Variants in SLCO1A2 observed in about 807,000 individuals in gnomAD.
SLCO1A2 encodes the protein solute carrier organic anion transporter family member 1A2.
Under a neutral mutation model 69.0 loss-of-function variants are expected in SLCO1A2, and 67 were observed. That is an observed-to-expected ratio of 0.97 (90% CI 0.80 to 1.19). The LOEUF is 1.19. Ranked by LOEUF, SLCO1A2 falls within the 50% of genes most tolerant of loss-of-function variation. The pLI is 0.00. For synonymous variants in SLCO1A2, 260 were observed against 265.9 expected (o/e 0.98, Z 0.22); for missense variants, 787 against 793.7 (o/e 0.99, Z 0.10).
At chr12:21,289,218 G>GTC (rs1946449550) in intron 12 of SLCO1A2, among the ~76,000 whole-genome samples, 1 of 150,998 alleles carries the variant, frequency 6.6e-6, no homozygotes, top group Non-Finnish European at 1.5e-5. Flanking sequence ...GTGTGTGTGT[G>GTC]TGTGTGTATG....
chr12:21,324,924 A>T (rs1280940139), intron 2 of SLCO1A2, among the ~76,000 whole-genome samples: 1 of 152,174 alleles, frequency 6.6e-6, no homozygotes, highest in Non-Finnish European at 1.5e-5. Flanking sequence ...CTATGCAAAC[A>T]ATTTTTACTT....
At chr12:21,313,982 T>TAAAAAAAAAA (rs71043263) in intron 4 of SLCO1A2, among the ~76,000 whole-genome samples, 1 of 136,418 alleles carries the variant, frequency 7.3e-6, no homozygotes. Context: ...TAATAAATAA[T>TAAAAAAAAAA]AAAAAAAAAA....
chr12:21,283,633 C>G (rs1300694804), intron 12 of SLCO1A2, among the ~76,000 whole-genome samples: 1 of 152,056 alleles, frequency 6.6e-6, no homozygotes, highest in Non-Finnish European at 1.5e-5. Context: ...GAAGAGACAA[C>G]TCACAGAATG....
chr12:21,366,523 A>G (rs1303288722), intron 2 of SLCO1A2, among the ~76,000 whole-genome samples: 1 of 152,174 alleles, frequency 6.6e-6, no homozygotes, highest in Non-Finnish European at 1.5e-5. Context: ...GTGCACATGT[A>G]CCCTAGAACC....
chr12:21,276,415 C>T (rs1943840019), intron 12 of SLCO1A2, among the ~76,000 whole-genome samples: 1 of 151,372 alleles, frequency 6.6e-6, no homozygotes, highest in South Asian at 2.1e-4. Context: ...CACACACACA[C>T]ACACACACAG....
chr12:21,305,375 G>C (rs959313398), intron 5 of SLCO1A2, among the ~76,000 whole-genome samples: 1 of 152,226 alleles, frequency 6.6e-6, no homozygotes, highest in African/African-American at 2.4e-5. Flanking sequence ...GAAGGACAAT[G>C]CACTCTCACC....
intron 14 of SLCO1A2, among the ~76,000 whole-genome samples, chr12:21,272,961 G>A (rs1192697581): frequency 6.6e-6 from 1 of 152,124 alleles, no homozygotes; most frequent in Non-Finnish European, 1.5e-5. Context: ...TAAGCTAACA[G>A]GCTAGCCTGC....
chr12:21,365,945 T>G (rs1939341704), intron 2 of SLCO1A2, among the ~76,000 whole-genome samples: 1 of 152,198 alleles, frequency 6.6e-6, no homozygotes, highest in Non-Finnish European at 1.5e-5. Context: ...TTTTACACTG[T>G]TGGTGGGACT....
intron 3 of SLCO1A2, among the ~76,000 whole-genome samples, 198 bp downstream of exon 3, chr12:21,318,584 T>G (rs2219793): frequency 0.09 from 13,673 of 152,176 alleles, 1,019 homozygotes; most frequent in East Asian, 0.35. Flanking sequence ...GTGGCAATAT[T>G]TAGGTGTTAA....
intron 8 of SLCO1A2, among the ~76,000 whole-genome samples, chr12:21,299,180 T>C (rs536573759): frequency 1.6e-4 from 24 of 152,132 alleles, no homozygotes; most frequent in Non-Finnish European, 3.5e-4. Flanking sequence ...ACTAATTAAA[T>C]CTGACCTTTT....
intron 13 of SLCO1A2, 73 bp downstream of exon 13, chr12:21,275,287 A>T (rs767789191): frequency 3.0e-6 from 4 of 1,342,378 alleles, no homozygotes; most frequent in Admixed American, 2.6e-5. Flanking sequence ...GTACCCTAAA[A>T]CTTAAAGTGT....
intron 1 of SLCO1A2, among the ~76,000 whole-genome samples, chr12:21,413,529 C>T (rs1941945514): frequency 6.6e-6 from 1 of 152,098 alleles, no homozygotes; most frequent in Admixed American, 6.6e-5. Flanking sequence ...TTCTCCCTGA[C>T]AATCCCACAG....
upstream of SLCO1A2, among the ~76,000 whole-genome samples, chr12:21,396,869 G>A (rs1007392791): frequency 1.3e-5 from 2 of 151,990 alleles, no homozygotes; most frequent in African/African-American, 2.4e-5. Context: ...GCTCCTGAAG[G>A]AAGCACTAAA....
chr12:21,298,469 T>C (rs1948091966), intron 8 of SLCO1A2, among the ~76,000 whole-genome samples: 1 of 152,196 alleles, frequency 6.6e-6, no homozygotes, highest in Admixed American at 6.6e-5. Flanking sequence ...GACTTTCTTA[T>C]GCACAATCTT....
chr12:21,396,965 T>C (rs1209816484), upstream of SLCO1A2, among the ~76,000 whole-genome samples: 1 of 150,848 alleles, frequency 6.6e-6, no homozygotes, highest in Non-Finnish European at 1.5e-5. Flanking sequence ...CTGCATCAAC[T>C]AACGAGCAAA....
intron 2 of SLCO1A2, among the ~76,000 whole-genome samples, chr12:21,353,377 A>G (rs757513290): frequency 1.3e-5 from 2 of 152,120 alleles, no homozygotes; most frequent in Non-Finnish European, 2.9e-5. Flanking sequence ...CAACATGAAC[A>G]GTAATATTGC....
At chr12:21,278,589 C>T (rs1423641781) in intron 12 of SLCO1A2, among the ~76,000 whole-genome samples, 1 of 152,166 alleles carries the variant, frequency 6.6e-6, no homozygotes, top group African/African-American at 2.4e-5. Context: ...AGAATCTCTG[C>T]CTGGTAATCC....
intron 1 of SLCO1A2, chr12:21,379,434 C>T (rs1377702565): frequency 6.6e-6 from 1 of 152,204 alleles, no homozygotes; most frequent in Non-Finnish European, 1.5e-5. Context: ...TGCGAAACAA[C>T]TTGTGTTCTA....
intron 2 of SLCO1A2, among the ~76,000 whole-genome samples, chr12:21,328,848 C>A (rs1378178925): frequency 1.3e-5 from 2 of 152,146 alleles, no homozygotes; most frequent in Non-Finnish European, 2.9e-5. Context: ...GGTTACAGGG[C>A]ACTGAACTGG....
Sources: gnomAD v4.1 joint callset for allele counts (sites outside exome capture counted in the v4.1 genomes callset) on GRCh38, gnomAD v4.1.1 for gene constraint, MANE v1.5 for transcripts, NCBI Gene and HGNC (gene_info 2026-07-23, HGNC 2026-07-21) for gene names.